ATP2A2: variants seen among roughly 807,000 people sequenced by gnomAD.
ATP2A2 encodes sarcoplasmic/endoplasmic reticulum calcium ATPase 2.
A neutral mutation model predicts 109.3 loss-of-function variants in ATP2A2; 14 were observed. That is an observed-to-expected ratio of 0.13 (90% CI 0.08 to 0.20). ATP2A2 has a LOEUF of 0.20. Among genes scored for constraint, ATP2A2 ranks in the 10% least tolerant of loss-of-function variants. The pLI, the probability that ATP2A2 is intolerant of heterozygous loss-of-function variation, is 1.00. For missense variants in ATP2A2, 657 were observed against 1,321.6 expected, an observed-to-expected ratio of 0.50 and a Z score of 7.80; for synonymous variants, 506 against 490.9, an observed-to-expected ratio of 1.03 and a Z score of -0.41.
At position 110,281,291 on chromosome 12, in the gene ATP2A2, T is replaced by TC. The variant is rs1223786133; in HGVS notation, c.-497dup. On this transcript the variant is annotated 5_prime_UTR_variant, in exon 1 of 20. Coordinates refer to ENST00000539276, the MANE Select transcript of ATP2A2 (RefSeq NM_170665.4). ...AGCCGTCCCCGACGCCACCTCCTTTTCCTTCGCCGCAGTTTCCTCCGCCGC... is the reference window on the plus strand; with the variant it reads ...AGCCGTCCCCGACGCCACCTCCTTTTCCCTTCGCCGCAGTTTCCTCCGCCGC... 1 of 151,534 alleles carries TC rather than the reference T, an allele frequency of 6.6e-6. No individual in the cohort carries two copies. Among genetic ancestry groups the TC allele is most frequent in the Non-Finnish European group, 1.5e-5 (1 of 67,856 alleles). The allele number at this position is 151,534 out of a possible 1,614,324, so 9.4% of individuals were successfully genotyped here. A position where few individuals can be genotyped will look rare whatever the true frequency, so the allele number is the denominator to read the frequency against.
chr12:110,328,198 A>G lies in ATP2A2; in HGVS notation c.1095+181A>G, dbSNP rs555411082. Among the ~76,000 whole-genome samples, 7 of 152,278 alleles carry G rather than the reference A, an allele frequency of 4.6e-5. No homozygotes were observed. In the East Asian group the frequency reaches 1.4e-3, roughly 29 times the overall value. On this transcript the variant is annotated intron_variant, in intron 8 of 19. Transcript: ENST00000539276. ...ATCATTTAATTCCTAAAACTTTCACAAAATACAGGATATCTGTATGGCTGA... is the reference window on the plus strand; with the variant it reads ...ATCATTTAATTCCTAAAACTTTCACGAAATACAGGATATCTGTATGGCTGA...
intron 9 of ATP2A2, 114 bp downstream of exon 9, chr12:110,332,799 A>G (rs999348075): frequency 1.5e-5 from 14 of 941,738 alleles, no homozygotes; most frequent in East Asian, 1.4e-4. Flanking sequence ...TCAAGTCAAC[A>G]CTTATTACTA....
chr12:110,348,049 A>G lies in ATP2A2; in HGVS notation c.*1579A>G, dbSNP rs558135107. 7.0e-4 allele frequency: 690 copies of G among 986,528 alleles called. 1 individual carries two copies. The highest frequency in any genetic ancestry group is 6.2e-4 in the Non-Finnish European group (515 of 830,722). The allele number at this position is 986,528 out of a possible 1,614,324, so 61.1% of individuals were successfully genotyped here. On this transcript the variant is annotated 3_prime_UTR_variant, in exon 20 of 20. Coordinates refer to ENST00000539276, the MANE Select transcript of ATP2A2 (RefSeq NM_170665.4). ...TGACCAGGAGGGCCCAAGCCAGACA[A>G]AAGCCGGAGTGGGGAGAGAGGCATT...
In ATP2A2 at chr12:110,349,164, C is replaced by T; in HGVS notation, c.*2694C>T. The T allele has an allele frequency of 2.0e-6, 2 of 985,532 alleles. No individual in the cohort carries two copies. Among genetic ancestry groups the T allele is most frequent in the East Asian group, 1.1e-4 (1 of 8,804 alleles). The allele number at this position is 985,532 out of a possible 1,614,324, so 61.0% of individuals were successfully genotyped here. On this transcript the variant is annotated 3_prime_UTR_variant, in exon 20 of 20. Transcript: ENST00000539276. ...GAGCAGGGCCACTTGCTCCATTTCA[C>T]TGAAGGCTTTGCTGGGTGAAAACAC... is the stretch of plus-strand genomic sequence containing the variant.
In ATP2A2 at chr12:110,349,097, T is replaced by C. The variant is rs1187090195; in HGVS notation, c.*2627T>C. 2.0e-6 allele frequency: 2 copies of C among 985,336 alleles called. No homozygotes were observed. The highest frequency in any genetic ancestry group is 3.5e-5 in the African/African-American group (2 of 57,234). The allele number at this position is 985,336 out of a possible 1,614,324, so 61.0% of individuals were successfully genotyped here. A position where few individuals can be genotyped will look rare whatever the true frequency, so the allele number is the denominator to read the frequency against. Reference sequence around the variant, plus strand: ...AGCCCATGGAGGGACCCACTTCCCTTGGTCCAGACAGCTGGGAGTGGGTTA... The same window carrying C: ...AGCCCATGGAGGGACCCACTTCCCTCGGTCCAGACAGCTGGGAGTGGGTTA... On this transcript the variant is annotated 3_prime_UTR_variant, in exon 20 of 20. Coordinates refer to ENST00000539276, the MANE Select transcript of ATP2A2 (RefSeq NM_170665.4).
intron 5 of ATP2A2, among the ~76,000 whole-genome samples, chr12:110,300,092 GTCCT>G (rs202000078): frequency 2.1e-5 from 3 of 143,428 alleles, no homozygotes; most frequent in Non-Finnish European, 3.0e-5. Flanking sequence ...CCGTCCGTCT[GTCCT>G]TCCTTCCTTC....
intron 5 of ATP2A2, among the ~76,000 whole-genome samples, chr12:110,320,762 G>A (rs1877155919): frequency 6.6e-6 from 1 of 152,162 alleles, no homozygotes; most frequent in African/African-American, 2.4e-5. Flanking sequence ...AAATGCAAGG[G>A]TGATCTTTGC....
chr12:110,318,930 A>T (rs1566222882), intron 5 of ATP2A2, among the ~76,000 whole-genome samples: 1 of 152,206 alleles, frequency 6.6e-6, no homozygotes, highest in South Asian at 2.1e-4. Flanking sequence ...TGCCTGATAG[A>T]TGAGAAACAG....
At chr12:110,330,882 T>C (rs1169154254) in intron 8 of ATP2A2, 1 of 152,226 alleles carries the variant, frequency 6.6e-6, no homozygotes, top group African/African-American at 2.4e-5. Flanking sequence ...CATTTAGATT[T>C]AGCTAATGTA....
In ATP2A2 at chr12:110,343,228, A is replaced by G; in HGVS notation, c.2319-4A>G. The stretch of plus-strand genomic sequence containing the variant: ...CTTTGTCTTCTTTTCTTGATTGGAA[A>G]CAGTATTTTCCTGACAGCAGCCCTT... On this transcript the variant is annotated splice_polypyrimidine_tract_variant and splice_region_variant and intron_variant, in intron 15 of 19. Coordinates refer to ENST00000539276, the MANE Select transcript of ATP2A2 (RefSeq NM_170665.4). The G allele has an allele frequency of 6.2e-7, 1 of 1,613,700 alleles. No individual in the cohort carries two copies. Among genetic ancestry groups the G allele is most frequent in the Non-Finnish European group, 8.5e-7 (1 of 1,179,840 alleles).
chr12:110,346,046 C>T lies in ATP2A2; in HGVS notation c.2787C>T (p.Asn929=), dbSNP rs746702292. Reference sequence around the variant, plus strand: ...TGCTGAGGATGCCCCCCTGGGAGAACATCTGGCTCGTGGGCTCCATCTGCC... The same window carrying T: ...TGCTGAGGATGCCCCCCTGGGAGAATATCTGGCTCGTGGGCTCCATCTGCC... ...QSLLRMPPWE[N]IWLVGSICLS... Residue 929 remains asparagine (N), a synonymous_variant, in exon 19 of 20, where the codon AAC becomes AAT. Transcript: ENST00000539276. The T allele has an allele frequency of 1.5e-5, 25 of 1,614,054 alleles. No individual in the cohort carries two copies. In the African/African-American group the frequency reaches 2.9e-4, roughly 19 times the overall value.
intron 5 of ATP2A2, among the ~76,000 whole-genome samples, chr12:110,297,517 A>G (rs924473354): frequency 1.3e-5 from 2 of 151,994 alleles, no homozygotes; most frequent in African/African-American, 4.8e-5. Context: ...TTCCAGAGAT[A>G]GCTTCAAAGA....
At chr12:110,285,675 G>T (rs945617515) in intron 3 of ATP2A2, among the ~76,000 whole-genome samples, 2 of 152,186 alleles carry the variant, frequency 1.3e-5, no homozygotes, top group African/African-American at 4.8e-5. Flanking sequence ...TCTGAAGGAG[G>T]TGGGCATTAG....
chr12:110,294,183 A>G (rs1197949257), intron 4 of ATP2A2, among the ~76,000 whole-genome samples: 1 of 151,980 alleles, frequency 6.6e-6, no homozygotes, highest in African/African-American at 2.4e-5. Flanking sequence ...AGCTGGGATT[A>G]CAGGTGCCCA....
intron 5 of ATP2A2, among the ~76,000 whole-genome samples, chr12:110,317,804 A>C (rs1380965709): frequency 6.6e-6 from 1 of 152,146 alleles, no homozygotes; most frequent in Non-Finnish European, 1.5e-5. Flanking sequence ...AATTTAATGA[A>C]CTCTTACTTG....
intron 5 of ATP2A2, among the ~76,000 whole-genome samples, chr12:110,315,739 G>A (rs1031849703): frequency 2.0e-5 from 3 of 152,144 alleles, no homozygotes; most frequent in Non-Finnish European, 2.9e-5. Flanking sequence ...TTGGGAGTTC[G>A]AGACCAGCCT....
chr12:110,306,600 T>G (rs1485527223), intron 5 of ATP2A2, among the ~76,000 whole-genome samples: 4 of 152,170 alleles, frequency 2.6e-5, no homozygotes, highest in Non-Finnish European at 5.9e-5. Context: ...TACTTACAAG[T>G]GAGAACAGAC....
chr12:110,299,334 A>G (rs893496990), intron 5 of ATP2A2, among the ~76,000 whole-genome samples: 1 of 152,126 alleles, frequency 6.6e-6, no homozygotes, highest in African/African-American at 2.4e-5. Flanking sequence ...TGAAGAAAAT[A>G]GGTCAGAATG....
At position 110,339,819 on chromosome 12, in the gene ATP2A2, C is replaced by A; in HGVS notation, c.1761+98C>A. 7.4e-7 allele frequency: 1 copy of A among 1,342,460 alleles called. No homozygotes were observed. The allele number at this position is 1,342,460 out of a possible 1,614,324, so 83.2% of individuals were successfully genotyped here. Reference sequence around the variant, plus strand: ...AAAGGTCAAACAGTTCTCACTTTTGCCAAGAAAGAGGTGTGGTTATTTGTT... The same window carrying A: ...AAAGGTCAAACAGTTCTCACTTTTGACAAGAAAGAGGTGTGGTTATTTGTT... On this transcript the variant is annotated intron_variant, in intron 13 of 19. Transcript: ENST00000539276. The surrounding 1 kb of genome is among the most constrained non-coding windows in gnomAD (Gnocchi z 4.4).
Sources: allele counts gnomAD v4.1 joint callset (sites outside exome capture counted in the v4.1 genomes callset), GRCh38; gene constraint gnomAD v4.1.1; non-coding constraint Gnocchi (gnomAD v3.1); transcripts MANE v1.5; gene names NCBI Gene and HGNC (gene_info 2026-07-23, HGNC 2026-07-21).